CDH13: variants seen among roughly 807,000 people sequenced by gnomAD.
The protein encoded by CDH13 is cadherin 13.
In CDH13, 24 loss-of-function variants were observed where a neutral mutation model predicts 63.8. The observed-to-expected ratio is 0.38, with a 90% CI of 0.27 to 0.53. CDH13 has a LOEUF of 0.53. Among genes scored for constraint, CDH13 ranks in the 20% least tolerant of loss-of-function variants. CDH13 has a pLI of 0.85. For missense variants in CDH13, 1,049 were observed against 903.1 expected (o/e 1.16, Z -2.07); for synonymous variants, 503 against 355.3 (o/e 1.42, Z -4.67).
At chr16:83,006,074 A>G (rs962624858) in intron 2 of CDH13, among the ~76,000 whole-genome samples, 4 of 152,198 alleles carry the variant, frequency 2.6e-5, no homozygotes, top group Admixed American at 2.6e-4. Flanking sequence ...TTGGTAGCTT[A>G]AGATAGCTTG....
chr16:82,874,082 G>C lies in CDH13; in HGVS notation c.157+15609G>C, dbSNP rs545136092. 6.9e-4 allele frequency among the ~76,000 whole-genome samples: 105 copies of C among 152,254 alleles called. 2 individuals carry two copies. Among genetic ancestry groups the C allele is most frequent in the South Asian group, 5.2e-3 (25 of 4,812 alleles). On this transcript the variant is annotated intron_variant, in intron 2 of 13. Coordinates refer to ENST00000567109, the MANE Select transcript of CDH13 (RefSeq NM_001257.5). Reference sequence around the variant, plus strand: ...CACATTGTATTACACGATTCTACGAGCGGGGTCTCGGGCAGCTCCCTGTAT... The same window carrying C: ...CACATTGTATTACACGATTCTACGACCGGGGTCTCGGGCAGCTCCCTGTAT...
intron 3 of CDH13, among the ~76,000 whole-genome samples, chr16:83,090,065 C>T (rs2033817436): frequency 6.6e-6 from 1 of 152,168 alleles, no homozygotes; most frequent in South Asian, 2.1e-4. Flanking sequence ...TAAACTAAAA[C>T]TGTGATCACC....
chr16:83,259,598 C>G (rs2151834098), intron 5 of CDH13, among the ~76,000 whole-genome samples: 1 of 152,314 alleles, frequency 6.6e-6, no homozygotes, highest in African/African-American at 2.4e-5. Context: ...ACTTGAAAAT[C>G]ATTCACTTAA....
chr16:83,386,073 A>T (rs2091667716), intron 6 of CDH13, among the ~76,000 whole-genome samples: 1 of 152,256 alleles, frequency 6.6e-6, no homozygotes, highest in East Asian at 1.9e-4. Flanking sequence ...AAAATAGAGT[A>T]AACAACAGTA....
At chr16:83,605,401 A>C (rs1214809633) in intron 8 of CDH13, among the ~76,000 whole-genome samples, 2 of 152,224 alleles carry the variant, frequency 1.3e-5, no homozygotes, top group African/African-American at 4.8e-5. Context: ...TTTGGATAGT[A>C]ACACTGCTGG....
intron 1 of CDH13, among the ~76,000 whole-genome samples, chr16:82,846,369 A>T (rs1460769518): frequency 6.6e-6 from 1 of 152,012 alleles, no homozygotes; most frequent in East Asian, 1.9e-4. Context: ...TAAGAAATAT[A>T]TATCAGCTAT....
rs528521387 is a variant in CDH13 at position 83,120,091 on chromosome 16, A to G, written c.367-5294A>G. On this transcript the variant is annotated intron_variant, in intron 3 of 13. Transcript: ENST00000567109. Reference sequence around the variant, plus strand: ...ACGGGCCCAGAGAGTCGACATGCACATGGTGACTTCTCTACAATCAATACC... The same window carrying G: ...ACGGGCCCAGAGAGTCGACATGCACGTGGTGACTTCTCTACAATCAATACC... 2.0e-5 allele frequency among the ~76,000 whole-genome samples: 3 copies of G among 151,866 alleles called. No homozygotes were observed. The East Asian group carries it at 5.8e-4, about 29-fold the overall frequency.
At chr16:83,361,779 A>C (rs2091167448) in intron 6 of CDH13, among the ~76,000 whole-genome samples, 1 of 151,966 alleles carries the variant, frequency 6.6e-6, no homozygotes, top group Non-Finnish European at 1.5e-5. Flanking sequence ...CTGTCTCATT[A>C]GTCTATGTGT....
chr16:83,618,398 C>T (rs1172502372), intron 8 of CDH13, among the ~76,000 whole-genome samples: 1 of 149,240 alleles, frequency 6.7e-6, no homozygotes, highest in East Asian at 2.0e-4. Flanking sequence ...GAGCTTTAGC[C>T]TGGAGAACAG....
At chr16:83,787,256 A>C (rs1032406519) in intron 13 of CDH13, among the ~76,000 whole-genome samples, 2 of 152,216 alleles carry the variant, frequency 1.3e-5, no homozygotes, top group Non-Finnish European at 2.9e-5. Flanking sequence ...GTAAAGGGCC[A>C]GGTGGCTTTG....
At chr16:83,021,491 T>C (rs1216995071) in intron 2 of CDH13, among the ~76,000 whole-genome samples, 2 of 152,200 alleles carry the variant, frequency 1.3e-5, no homozygotes, top group African/African-American at 2.4e-5. Context: ...CAGTTTTTAA[T>C]GGTAGGTGGA....
At chr16:83,289,411 A>C (rs1055966784) in intron 5 of CDH13, among the ~76,000 whole-genome samples, 2 of 152,194 alleles carry the variant, frequency 1.3e-5, no homozygotes, top group Non-Finnish European at 2.9e-5. Flanking sequence ...CTTTATAAAA[A>C]TGCAGATGCC....
At chr16:82,881,309 A>C (rs1020213604) in intron 2 of CDH13, among the ~76,000 whole-genome samples, 2 of 152,060 alleles carry the variant, frequency 1.3e-5, no homozygotes, top group African/African-American at 4.8e-5. Context: ...ATTGGTGTGT[A>C]GGAAGTTTAT....
rs145877758 is a variant in CDH13, at chr16:82,786,945, C to T, written c.46-71417C>T. The stretch of plus-strand genomic sequence containing the variant: ...CATGACTGCTTAGCAAGGAAGCATC[C>T]TCTACTTGTGCATGGCTTCAAACGC... On this transcript the variant is annotated intron_variant, in intron 1 of 13. Coordinates refer to ENST00000567109, the MANE Select transcript of CDH13 (RefSeq NM_001257.5). Among the ~76,000 whole-genome samples, 332 of 152,222 alleles carry T rather than the reference C, an allele frequency of 2.2e-3. 1 individual carries two copies. Among genetic ancestry groups the T allele is most frequent in the African/African-American group, 7.8e-3 (322 of 41,528 alleles).
rs1907664853 is a variant in CDH13 at position 83,266,697 on chromosome 16, A to C, written c.636+49200A>C. ...GACAAACATTAAGCCAATATTTCCG[A>C]TATGGATGTTAAGGTTCACAGCACA... On this transcript the variant is annotated intron_variant, in intron 5 of 13. Coordinates refer to ENST00000567109, the MANE Select transcript of CDH13 (RefSeq NM_001257.5). Among the ~76,000 whole-genome samples the C allele has an allele frequency of 2.0e-5, 3 of 152,350 alleles. No homozygotes were observed. The South Asian group carries it at 6.2e-4, about 32-fold the overall frequency.
intron 5 of CDH13, among the ~76,000 whole-genome samples, chr16:83,238,894 G>T (rs1904289844): frequency 6.6e-6 from 1 of 152,158 alleles, no homozygotes; most frequent in South Asian, 2.1e-4. Context: ...ATGTTAGTTG[G>T]AAGGACACAT....
intron 7 of CDH13, among the ~76,000 whole-genome samples, chr16:83,553,390 C>G (rs1250639833): frequency 1.3e-5 from 2 of 152,300 alleles, no homozygotes; most frequent in African/African-American, 2.4e-5. Flanking sequence ...AGAGAAAACT[C>G]TTAGTAACTA....
intron 3 of CDH13, among the ~76,000 whole-genome samples, chr16:83,092,698 G>A (rs1014908727): frequency 3.3e-5 from 5 of 151,972 alleles, no homozygotes; most frequent in African/African-American, 7.3e-5. Context: ...ATTTTGAGTT[G>A]TTGGAAATTC....
chr16:83,742,580 A>G (rs1173247610), intron 10 of CDH13, among the ~76,000 whole-genome samples: 3 of 152,250 alleles, frequency 2.0e-5, no homozygotes, highest in Non-Finnish European at 2.9e-5. Flanking sequence ...TTAAAAAGAC[A>G]GCTTTGAAAA....
Sources: gnomAD v4.1 joint callset for allele counts (sites outside exome capture counted in the v4.1 genomes callset) on GRCh38, gnomAD v4.1.1 for gene constraint, MANE v1.5 for transcripts, NCBI Gene and HGNC (gene_info 2026-07-23, HGNC 2026-07-21) for gene names.